Variants in ECE1 observed in about 807,000 individuals in gnomAD.
ECE1 encodes the protein endothelin converting enzyme 1, also known as endothelin-converting enzyme 1.
Under a neutral mutation model 98.6 loss-of-function variants are expected in ECE1, and 35 were observed. The ratio of observed to expected loss-of-function variants is 0.35; its 90% CI spans 0.27 to 0.47. The LOEUF (loss-of-function observed/expected upper bound fraction) is 0.47, where lower values mean the gene tolerates loss of function less well. Ranked by LOEUF, ECE1 falls within the 20% of genes least tolerant of loss-of-function variation. The pLI is 1.00. For missense variants in ECE1, 814 were observed against 1,025.3 expected (o/e 0.79, Z 2.81); for synonymous variants, 394 against 407.1 (o/e 0.97, Z 0.39).
Position 21,258,603 on chromosome 1 carries a change from AG to A in ECE1, c.762+89del. ...GAAGACCGCCGTCCCACCCAGGGCA[AG>A]CCCCTCTCCCACCCCAGGTCCTGCT... On this transcript the variant is annotated intron_variant, in intron 6 of 18. Coordinates refer to ENST00000374893, the MANE Select transcript of ECE1 (RefSeq NM_001397.3). This position sits in a 1 kb window ranked among gnomAD's most constrained non-coding sequence, Gnocchi z 4.2. 9.9e-6 allele frequency: 14 copies of A among 1,412,686 alleles called. No individual in the cohort carries two copies. Among genetic ancestry groups the A allele is most frequent in the Non-Finnish European group, 1.4e-5 (14 of 1,021,344 alleles). The allele number at this position is 1,412,686 out of a possible 1,614,324, so 87.5% of individuals were successfully genotyped here.
chr1:21,336,887 C>T (rs1387011075), intron 1 of ECE1, among the ~76,000 whole-genome samples: 1 of 151,896 alleles, frequency 6.6e-6, no homozygotes, highest in East Asian at 1.9e-4. Context: ...AAAAATTTGC[C>T]TGGTGTTGTG....
Position 21,233,994 on chromosome 1 carries a change from C to CA in ECE1, c.1567-334_1567-333insT, listed in dbSNP as rs1553354008. Among the ~76,000 whole-genome samples, 2 of 149,384 alleles carry CA rather than the reference C, an allele frequency of 1.3e-5. No individual in the cohort carries two copies. Among genetic ancestry groups the CA allele is most frequent in the African/African-American group, 4.9e-5 (2 of 40,702 alleles). ...CAGACTACTAAGCATTTCTTTCTTT[C>CA]TTTTTTTTTTGAGACGGGAATCTTG... On this transcript the variant is annotated intron_variant, in intron 13 of 18. Transcript: ENST00000374893. The surrounding 1 kb of genome is among the most constrained non-coding windows in gnomAD (Gnocchi z 4.0).
Position 21,270,397 on chromosome 1 carries a change from G to A in ECE1, c.493+2302C>T, listed in dbSNP as rs549519300. 6.8e-4 allele frequency among the ~76,000 whole-genome samples: 104 copies of A among 152,358 alleles called. No individual in the cohort carries two copies. In the Middle Eastern group the frequency reaches 0.01, roughly 15 times the overall value. On this transcript the variant is annotated intron_variant, in intron 4 of 18. Coordinates refer to ENST00000374893, the MANE Select transcript of ECE1 (RefSeq NM_001397.3). ...CCCTGCAGGTTCTTGCAGGCACTGC[G>A]GAAAGGGAGCTAATGTCTGTCCCTT...
intron 1 of ECE1, among the ~76,000 whole-genome samples, chr1:21,321,313 C>T (rs1451811593): frequency 6.6e-6 from 1 of 152,200 alleles, no homozygotes; most frequent in Non-Finnish European, 1.5e-5. Flanking sequence ...CAGATAACAG[C>T]TGGGAAGATA....
chr1:21,314,871 A>T (rs570829706), intron 1 of ECE1, among the ~76,000 whole-genome samples: 1 of 152,250 alleles, frequency 6.6e-6, no homozygotes, highest in African/African-American at 2.4e-5. Context: ...CTAGTCCAGG[A>T]CGCATAGAAA....
chr1:21,331,587 C>T (rs748995944), intron 1 of ECE1, among the ~76,000 whole-genome samples: 7 of 150,026 alleles, frequency 4.7e-5, no homozygotes, highest in African/African-American at 1.5e-4. Flanking sequence ...AGTGAGACTT[C>T]GCTAAAAAAA....
chr1:21,227,278 C>A, intron 15 of ECE1, 52 bp from the exon 16 acceptor site: 1 of 1,556,702 alleles, frequency 6.4e-7, no homozygotes, highest in South Asian at 1.1e-5. Flanking sequence ...GAGGGCCTCT[C>A]ACTCTTGCTC....
At chr1:21,223,634 CT>C (rs1451295567) in intron 17 of ECE1, among the ~76,000 whole-genome samples, 1 of 151,572 alleles carries the variant, frequency 6.6e-6, no homozygotes, top group East Asian at 2.0e-4. Flanking sequence ...CCTGGCTAAT[CT>C]TTGTATTTTT....
Position 21,290,391 on chromosome 1 carries a change from CG to C in ECE1, c.23del (p.Pro8ArgfsTer40), listed in dbSNP as rs1306697790. The C allele has an allele frequency of 7.3e-6, 9 of 1,237,610 alleles. No individual in the cohort carries two copies. The highest frequency in any genetic ancestry group is 7.7e-5 in the South Asian group (2 of 25,902). 76.7% of individuals were successfully genotyped at this position (1,237,610 alleles called of 1,614,324 possible). A position where few individuals can be genotyped will look rare whatever the true frequency, so the allele number is the denominator to read the frequency against. On this transcript the variant is annotated frameshift_variant, in exon 1 of 19. Transcript: ENST00000374893. LOFTEE classifies it high-confidence loss of function. This position sits in a 1 kb window ranked among gnomAD's most constrained non-coding sequence, Gnocchi z 7.3. Reference protein sequence around the residue: MRGVWPPPVSALLSALGM... With the variant: MRGVWPPXVSALLSALGM... ...CCAGCGCCGACAGCAGGGCGGACACCGGGGGCGGCCACACGCCCCGCATGCT... is the reference window on the plus strand; with the variant it reads ...CCAGCGCCGACAGCAGGGCGGACACCGGGGCGGCCACACGCCCCGCATGCT...
rs564895518 is a variant in ECE1, at chr1:21,285,505, C to T, written c.138+4565G>A. ...AGACATGTCTTTTTAAAGTATTGAG[C>T]GGGCTTGTCCCTGAAATCACCCTGG... On this transcript the variant is annotated intron_variant, in intron 2 of 18. Transcript: ENST00000374893. Among the ~76,000 whole-genome samples, 10 of 152,118 alleles carry T rather than the reference C, an allele frequency of 6.6e-5. No individual in the cohort carries two copies. The East Asian group carries it at 1.5e-3, about 24-fold the overall frequency.
At chr1:21,230,785 A>C (rs2098180773) in intron 14 of ECE1, among the ~76,000 whole-genome samples, 1 of 152,306 alleles carries the variant, frequency 6.6e-6, no homozygotes, top group East Asian at 1.9e-4. Context: ...GACATAAAGA[A>C]ATTTGCAAAA....
chr1:21,286,454 G>C (rs1368423724), intron 2 of ECE1, among the ~76,000 whole-genome samples: 1 of 152,168 alleles, frequency 6.6e-6, no homozygotes, highest in South Asian at 2.1e-4. Context: ...TGAGAGGTGG[G>C]CTAATAATAT....
rs1328621793 is a variant in ECE1 at position 21,319,384 on chromosome 1, A to C, written c.3+25992T>G. The stretch of plus-strand genomic sequence containing the variant: ...CATAATCATAATCATAATCATAATC[A>C]TAAAGTGGACTACGCAGGGCTTTTC... On this transcript the variant is annotated intron_variant, in intron 1 of 18. Transcript: ENST00000415912. The surrounding 1 kb of genome is among the most constrained non-coding windows in gnomAD (Gnocchi z 4.4). Among the ~76,000 whole-genome samples the C allele has an allele frequency of 6.6e-6, 1 of 151,384 alleles. No individual in the cohort carries two copies. The highest frequency in any genetic ancestry group is 1.5e-5 in the Non-Finnish European group (1 of 67,784).
chr1:21,289,567 T>C (rs141492842), intron 2 of ECE1, among the ~76,000 whole-genome samples: 82 of 151,974 alleles, frequency 5.4e-4, no homozygotes, highest in Admixed American at 1.2e-3. Flanking sequence ...GAAACTCAGG[T>C]ATTGGGAGGG....
In ECE1 at chr1:21,260,931, G is replaced by A. The variant is rs1403087756; in HGVS notation, c.494-539C>T. ...CCAACTCCTGGGGCCGTTTTCCACC[G>A]CCCTTGCCAACTCCAGCAAGCAGCA... On this transcript the variant is annotated intron_variant, in intron 4 of 18. Transcript: ENST00000374893. This position sits in a 1 kb window ranked among gnomAD's most constrained non-coding sequence, Gnocchi z 4.3. 2.0e-5 allele frequency among the ~76,000 whole-genome samples: 3 copies of A among 152,180 alleles called. No homozygotes were observed. Among genetic ancestry groups the A allele is most frequent in the Non-Finnish European group, 2.9e-5 (2 of 68,012 alleles).
At chr1:21,302,945 C>T (rs1473513906) in intron 1 of ECE1, among the ~76,000 whole-genome samples, 2 of 152,192 alleles carry the variant, frequency 1.3e-5, no homozygotes, top group Non-Finnish European at 2.9e-5. Context: ...TTTCTCTATC[C>T]TCATCTCCAG....
chr1:21,283,961 A>G (rs2103349191), intron 2 of ECE1, among the ~76,000 whole-genome samples: 1 of 152,312 alleles, frequency 6.6e-6, no homozygotes, highest in African/African-American at 2.4e-5. Flanking sequence ...ACGAATCCAG[A>G]TGCCTCACCC....
chr1:21,230,105 G>GT (rs1311814217), intron 14 of ECE1, among the ~76,000 whole-genome samples: 3 of 152,132 alleles, frequency 2.0e-5, no homozygotes, highest in Non-Finnish European at 4.4e-5. Context: ...GGTGGCTGAG[G>GT]TGGGAGGATC....
intron 10 of ECE1, among the ~76,000 whole-genome samples, chr1:21,241,360 T>G (rs2103251475): frequency 6.6e-6 from 1 of 151,490 alleles, no homozygotes; most frequent in African/African-American, 2.4e-5. Flanking sequence ...GATAAAAAAC[T>G]GTGGCACAGA....
Sources: allele counts gnomAD v4.1 joint callset (sites outside exome capture counted in the v4.1 genomes callset), GRCh38; gene constraint gnomAD v4.1.1; non-coding constraint Gnocchi (gnomAD v3.1); transcripts MANE v1.5; gene names NCBI Gene and HGNC (gene_info 2026-07-23, HGNC 2026-07-21).